Variants in AGMO observed in about 807,000 individuals in gnomAD.
The protein encoded by AGMO is glyceryl-ether monooxygenase.
In AGMO, 75 loss-of-function variants were observed where a neutral mutation model predicts 60.2. The ratio of observed to expected loss-of-function variants is 1.25; its 90% CI spans 1.03 to 1.51. AGMO has a LOEUF of 1.51. Among genes scored for constraint, AGMO ranks in the 40% most tolerant of loss-of-function variants. The pLI is 0.00. For missense variants in AGMO, 763 were observed against 525.5 expected, an observed-to-expected ratio of 1.45 and a Z score of -4.42; for synonymous variants, 261 against 177.1, an observed-to-expected ratio of 1.47 and a Z score of -3.76.
At chr7:15,517,172 A>T (rs955801365) in intron 3 of AGMO, among the ~76,000 whole-genome samples, 1 of 152,086 alleles carries the variant, frequency 6.6e-6, no homozygotes, top group Non-Finnish European at 1.5e-5. Flanking sequence ...AAATATATAA[A>T]GTCAAACTTG....
intron 12 of AGMO, among the ~76,000 whole-genome samples, chr7:15,255,207 C>A (rs368070548): frequency 6.6e-6 from 1 of 151,714 alleles, no homozygotes; most frequent in African/African-American, 2.4e-5. Context: ...GGAGCCTGTC[C>A]GGGGAGGGGA....
intron 4 of AGMO, among the ~76,000 whole-genome samples, chr7:15,426,872 T>C (rs970583458): frequency 1.3e-5 from 2 of 151,852 alleles, no homozygotes; most frequent in South Asian, 2.1e-4. Flanking sequence ...TTGAGAGAAG[T>C]GAAAATCGTT....
intron 10 of AGMO, among the ~76,000 whole-genome samples, chr7:15,370,497 A>AG (rs1583468470): frequency 6.6e-6 from 1 of 152,218 alleles, no homozygotes; most frequent in East Asian, 1.9e-4. Context: ...GAACTAATTT[A>AG]CATTCTCACC....
At chr7:15,132,810 T>A in the AGMO span, among the ~76,000 whole-genome samples, 1 of 152,194 alleles carries the variant, frequency 6.6e-6, no homozygotes, top group Admixed American at 6.6e-5. Context: ...GGAAGGTTTT[T>A]CCCTTATTTG....
At chr7:15,437,594 G>A (rs890537247) in intron 3 of AGMO, among the ~76,000 whole-genome samples, 1 of 147,560 alleles carries the variant, frequency 6.8e-6, no homozygotes, top group Non-Finnish European at 1.5e-5. Context: ...GAGTGCAGTG[G>A]TGGGATCTCC....
chr7:15,370,906 T>C (rs1562465512), intron 10 of AGMO, among the ~76,000 whole-genome samples: 1 of 152,176 alleles, frequency 6.6e-6, no homozygotes, highest in Admixed American at 6.5e-5. Flanking sequence ...AGGTCCCATC[T>C]GTCAATTTTT....
chr7:15,404,314 A>G (rs1271383616), intron 5 of AGMO, among the ~76,000 whole-genome samples: 1 of 151,936 alleles, frequency 6.6e-6, no homozygotes, highest in African/African-American at 2.4e-5. Flanking sequence ...TATTCTTCAA[A>G]CAAAAAGACA....
chr7:15,216,592 AAAT>A (rs1411908261), intron 12 of AGMO, among the ~76,000 whole-genome samples: 2 of 152,146 alleles, frequency 1.3e-5, no homozygotes, highest in Admixed American at 6.6e-5. Context: ...TAATGATAAA[AAAT>A]AATGAAGTGT....
chr7:15,346,043 T>C (rs930094677), intron 12 of AGMO, among the ~76,000 whole-genome samples: 2 of 152,276 alleles, frequency 1.3e-5, no homozygotes, highest in South Asian at 2.1e-4. Context: ...AAAGAGATAG[T>C]CATTGAAGTA....
At chr7:15,302,513 A>G (rs1239355521) in intron 12 of AGMO, among the ~76,000 whole-genome samples, 1 of 152,182 alleles carries the variant, frequency 6.6e-6, no homozygotes, top group Non-Finnish European at 1.5e-5. Flanking sequence ...ACAAACTTCA[A>G]AATATAATAC....
chr7:15,536,533 G>A (rs997108271), intron 3 of AGMO, among the ~76,000 whole-genome samples: 8 of 151,642 alleles, frequency 5.3e-5, no homozygotes, highest in African/African-American at 1.7e-4. Flanking sequence ...TTTAGAACCT[G>A]CCCCTATTAT....
At chr7:15,386,530 G>C (rs1462801227) in intron 9 of AGMO, among the ~76,000 whole-genome samples, 2 of 152,192 alleles carry the variant, frequency 1.3e-5, no homozygotes, top group Non-Finnish European at 2.9e-5. Context: ...GTTGCACAAT[G>C]AATTGTGAAC....
chr7:15,438,663 C>A (rs1015335432), intron 3 of AGMO, among the ~76,000 whole-genome samples: 3 of 152,168 alleles, frequency 2.0e-5, no homozygotes, highest in Middle Eastern at 6.8e-3. Context: ...ATCAACATGA[C>A]GAATATTTAG....
intron 12 of AGMO, among the ~76,000 whole-genome samples, chr7:15,343,019 G>C (rs527597535): frequency 6.6e-6 from 1 of 151,822 alleles, no homozygotes; most frequent in Non-Finnish European, 1.5e-5. Context: ...GTTTTTTTCT[G>C]ACAGTATCTG....
chr7:15,131,520 T>G, the AGMO span, among the ~76,000 whole-genome samples: 4 of 152,216 alleles, frequency 2.6e-5, no homozygotes, highest in South Asian at 8.3e-4. Context: ...CATTTCTGCC[T>G]AGACTATGGC....
intron 3 of AGMO, among the ~76,000 whole-genome samples, chr7:15,477,118 AT>A (rs1782614383): frequency 6.7e-6 from 1 of 148,440 alleles, no homozygotes; most frequent in Non-Finnish European, 1.5e-5. Context: ...CAGACTATTT[AT>A]TTTAGAACAT....
intron 5 of AGMO, among the ~76,000 whole-genome samples, chr7:15,416,248 G>A (rs1780765844): frequency 6.6e-6 from 1 of 151,910 alleles, no homozygotes; most frequent in African/African-American, 2.4e-5. Context: ...TGGCCAGGCT[G>A]GTCACAAACT....
intron 3 of AGMO, among the ~76,000 whole-genome samples, chr7:15,435,296 T>C (rs1022154736): frequency 6.0e-5 from 9 of 150,958 alleles, no homozygotes; most frequent in African/African-American, 2.2e-4. Flanking sequence ...ATCAAATTGT[T>C]TTCCAAAGTG....
intron 12 of AGMO, among the ~76,000 whole-genome samples, chr7:15,329,034 C>A (rs546915101): frequency 6.6e-6 from 1 of 152,282 alleles, no homozygotes; most frequent in South Asian, 2.1e-4. Context: ...AAAACACATA[C>A]ATCCTTCACT....
Sources: gnomAD v4.1 joint callset for allele counts (sites outside exome capture counted in the v4.1 genomes callset) on GRCh38, gnomAD v4.1.1 for gene constraint, MANE v1.5 for transcripts, NCBI Gene and HGNC (gene_info 2026-07-23, HGNC 2026-07-21) for gene names.